Variants in NRXN3 observed in about 807,000 individuals in gnomAD.
The protein encoded by NRXN3 is neurexin 3.
In NRXN3, 32 loss-of-function variants were observed where a neutral mutation model predicts 137.6. That is an observed-to-expected ratio of 0.23 (90% CI 0.18 to 0.31). The LOEUF is 0.31. Among genes scored for constraint, NRXN3 ranks in the 10% least tolerant of loss-of-function variants. NRXN3 has a pLI of 1.00. For missense variants in NRXN3, 1,574 were observed against 2,062.5 expected (o/e 0.76, Z 4.59); for synonymous variants, 798 against 784.5 (o/e 1.02, Z -0.29).
At chr14:79,344,165 A>G (rs766286405) in intron 15 of NRXN3, among the ~76,000 whole-genome samples, 12 of 152,138 alleles carry the variant, frequency 7.9e-5, no homozygotes, top group Non-Finnish European at 1.8e-4. Context: ...CTACTGAGGC[A>G]AGCCCTGAAG....
intron 4 of NRXN3, among the ~76,000 whole-genome samples, chr14:78,610,813 C>T (rs999460858): frequency 2.0e-5 from 3 of 152,170 alleles, no homozygotes; most frequent in Admixed American, 6.5e-5. Context: ...TACAATTACT[C>T]GGAACTCCAC....
At chr14:78,434,452 C>T (rs116838816) in intron 4 of NRXN3, among the ~76,000 whole-genome samples, 113 of 152,272 alleles carry the variant, frequency 7.4e-4, no homozygotes, top group African/African-American at 2.7e-3. Context: ...TAACTAATTA[C>T]ATCTGTTACC....
intron 4 of NRXN3, among the ~76,000 whole-genome samples, chr14:78,642,791 C>T (rs189097840): frequency 5.9e-5 from 9 of 152,294 alleles, no homozygotes; most frequent in Admixed American, 5.2e-4. Context: ...ATAGACAGAA[C>T]ATTTGGGGAG....
chr14:78,538,520 C>T (rs983369100), intron 4 of NRXN3, among the ~76,000 whole-genome samples: 15 of 152,234 alleles, frequency 9.9e-5, no homozygotes, highest in East Asian at 1.9e-4. Flanking sequence ...TGGGCTGAGA[C>T]GATGGGGTTT....
chr14:79,694,210 C>T (rs1180070581), intron 18 of NRXN3, among the ~76,000 whole-genome samples: 1 of 151,910 alleles, frequency 6.6e-6, no homozygotes, highest in East Asian at 1.9e-4. Flanking sequence ...AGACAATCCA[C>T]TTAACCTCTC....
intron 19 of NRXN3, among the ~76,000 whole-genome samples, chr14:79,710,106 T>A (rs2098797637): frequency 6.6e-6 from 1 of 152,176 alleles, no homozygotes; most frequent in African/African-American, 2.4e-5. Flanking sequence ...GTTTTCCATT[T>A]AAAGTCAAAA....
At chr14:79,315,406 G>C (rs750901953) in intron 15 of NRXN3, among the ~76,000 whole-genome samples, 1 of 151,698 alleles carries the variant, frequency 6.6e-6, no homozygotes, top group Admixed American at 6.6e-5. Context: ...CATCCTATTC[G>C]AAAAAAGAAA....
At chr14:78,583,689 G>A (rs937485514) in intron 4 of NRXN3, among the ~76,000 whole-genome samples, 1 of 152,186 alleles carries the variant, frequency 6.6e-6, no homozygotes, top group African/African-American at 2.4e-5. Flanking sequence ...AATTAGTAGA[G>A]TGTCTTGGAA....
rs534507014 is a variant in NRXN3, at chr14:79,785,289, G to A, written c.4015-19823G>A. 1.7e-4 allele frequency among the ~76,000 whole-genome samples: 26 copies of A among 152,250 alleles called. No homozygotes were observed. In the South Asian group the frequency reaches 2.7e-3, roughly 16 times the overall value. On this transcript the variant is annotated intron_variant, in intron 19 of 20. Coordinates refer to ENST00000335750, the MANE Select transcript of NRXN3 (RefSeq NM_001330195.2). The stretch of plus-strand genomic sequence containing the variant: ...TTGATTTGTTTGTTAAGCAGCAAAG[G>A]TGGGTTTCCCTGGAGCCACTTACAC...
intron 20 of NRXN3, chr14:79,854,082 AAAGTTT>A: frequency 1.0e-6 from 1 of 984,182 alleles, no homozygotes; most frequent in Non-Finnish European, 1.2e-6. Flanking sequence ...ATTTTGCTCA[AAAGTTT>A]TTAAGAAATG....
intron 3 of NRXN3, among the ~76,000 whole-genome samples, chr14:78,279,146 A>G (rs1436881748): frequency 2.6e-5 from 4 of 152,228 alleles, no homozygotes; most frequent in Admixed American, 2.6e-4. Context: ...GAAACCAGCA[A>G]TATTTATTGT....
intron 16 of NRXN3, among the ~76,000 whole-genome samples, chr14:79,545,601 T>C (rs1329016338): frequency 6.6e-6 from 1 of 152,072 alleles, no homozygotes; most frequent in Non-Finnish European, 1.5e-5. Context: ...AATTAGAATA[T>C]ATTGTATCTT....
At chr14:78,377,888 A>G (rs1050103388) in intron 4 of NRXN3, among the ~76,000 whole-genome samples, 1 of 152,238 alleles carries the variant, frequency 6.6e-6, no homozygotes, top group African/African-American at 2.4e-5. Flanking sequence ...GTCCATAACA[A>G]TATAAAATAA....
chr14:79,405,465 A>C (rs1025347546), intron 15 of NRXN3, among the ~76,000 whole-genome samples: 4 of 152,110 alleles, frequency 2.6e-5, no homozygotes, highest in Non-Finnish European at 5.9e-5. Context: ...GTTTCTTCAG[A>C]TACTAGTCTC....
chr14:79,124,910 A>G (rs898190223), intron 15 of NRXN3, among the ~76,000 whole-genome samples: 2 of 152,318 alleles, frequency 1.3e-5, no homozygotes, highest in Admixed American at 1.3e-4. Flanking sequence ...GTACATTCTC[A>G]TAGGAATATC....
At chr14:79,635,990 C>A (rs937623085) in intron 16 of NRXN3, among the ~76,000 whole-genome samples, 20 of 151,646 alleles carry the variant, frequency 1.3e-4, no homozygotes, top group Admixed American at 2.6e-4. Flanking sequence ...TTACTGGGTC[C>A]CTCCCATGAC....
intron 1 of NRXN3, among the ~76,000 whole-genome samples, chr14:78,181,261 CACCTATA>C (rs1250251962): frequency 6.6e-6 from 1 of 152,192 alleles, no homozygotes; most frequent in Non-Finnish European, 1.5e-5. Context: ...CTGCAGGCCC[CACCTATA>C]GACCTAACTT....
intron 10 of NRXN3, among the ~76,000 whole-genome samples, chr14:78,919,952 A>T (rs1385818829): frequency 1.3e-5 from 2 of 152,236 alleles, no homozygotes; most frequent in Non-Finnish European, 2.9e-5. Context: ...ATTCTCTGAA[A>T]ATGGCAATAT....
intron 15 of NRXN3, among the ~76,000 whole-genome samples, chr14:79,385,177 A>G (rs1406314602): frequency 2.8e-5 from 4 of 143,296 alleles, no homozygotes; most frequent in South Asian, 4.8e-4. Context: ...GTCATCTAGC[A>G]TTAGGTATAT....
Sources: gnomAD v4.1 joint callset for allele counts (sites outside exome capture counted in the v4.1 genomes callset) on GRCh38, gnomAD v4.1.1 for gene constraint, MANE v1.5 for transcripts, NCBI Gene and HGNC (gene_info 2026-07-23, HGNC 2026-07-21) for gene names.